Variants in PLCB1 observed in about 807,000 individuals in gnomAD.
PLCB1 encodes phospholipase C beta 1, also known as 1-phosphatidylinositol 4,5-bisphosphate phosphodiesterase beta-1.
PLCB1 carries 46 observed loss-of-function variants against 161.8 expected under a neutral mutation model. That is an observed-to-expected ratio of 0.28 (90% CI 0.22 to 0.36). The LOEUF (loss-of-function observed/expected upper bound fraction) is 0.36. Ranked by LOEUF, PLCB1 falls within the 10% of genes least tolerant of loss-of-function variation. The probability of loss-of-function intolerance (pLI) is 1.00; values close to 1 mark genes in which losing one functional copy is unlikely to be tolerated. For synonymous variants in PLCB1, 517 were observed against 503.7 expected (o/e 1.03, Z -0.35); for missense variants, 1,016 against 1,472.5 (o/e 0.69, Z 5.07).
intron 3 of PLCB1, among the ~76,000 whole-genome samples, chr20:8,524,624 C>T (rs971378838): frequency 4.6e-5 from 7 of 152,226 alleles, no homozygotes; most frequent in East Asian, 1.9e-4. Flanking sequence ...TAAAGTTAAA[C>T]GGAGCAGATG....
Position 8,760,451 on chromosome 20 carries a change from G to C in PLCB1, c.2701G>C (p.Val901Leu). 6.2e-7 allele frequency: 1 copy of C among 1,609,714 alleles called. No homozygotes were observed. The highest frequency in any genetic ancestry group is 8.5e-7 in the Non-Finnish European group (1 of 1,176,208). The change falls in exon 25 of 32, where the codon GTC (valine) becomes CTC (leucine). Residue 901 changes from valine (V) to leucine (L), a missense_variant. This residue lies in a region of PLCB1 where 398 missense variants were observed against 445.4 expected (regional missense o/e 0.89). Coordinates refer to ENST00000338037, the MANE Select transcript of PLCB1 (RefSeq NM_015192.4). ...CAAAACAGAAGATCTTATTCAGAGTGTCTTAACAGGTAAATGCCACCCTTT... is the reference window on the plus strand; with the variant it reads ...CAAAACAGAAGATCTTATTCAGAGTCTCTTAACAGGTAAATGCCACCCTTT... ...PAKTEDLIQS[V>L]LTEVEAQTIE...
At chr20:8,192,351 C>G (rs1292028779) in intron 2 of PLCB1, among the ~76,000 whole-genome samples, 3 of 151,876 alleles carry the variant, frequency 2.0e-5, no homozygotes, top group Non-Finnish European at 4.4e-5. Context: ...ATCGTATTCA[C>G]TAGGTGAACT....
At chr20:8,725,047 T>C (rs1232482887) in intron 16 of PLCB1, among the ~76,000 whole-genome samples, 1 of 152,110 alleles carries the variant, frequency 6.6e-6, no homozygotes, top group East Asian at 1.9e-4. Context: ...GTACAACTAA[T>C]TGGGAATTGT....
At chr20:8,872,601 T>C (rs1422843920) in intron 31 of PLCB1, among the ~76,000 whole-genome samples, 2 of 152,196 alleles carry the variant, frequency 1.3e-5, no homozygotes, top group East Asian at 3.8e-4. Flanking sequence ...GTGGGCTTTA[T>C]CAGTTTCTGA....
chr20:8,787,490 G>A (rs189321810), intron 27 of PLCB1, among the ~76,000 whole-genome samples: 1 of 152,360 alleles, frequency 6.6e-6, no homozygotes, highest in East Asian at 1.9e-4. Flanking sequence ...TTTTGGGAAA[G>A]AGAATCTCCA....
chr20:8,778,840 A>G (rs1435176098), intron 27 of PLCB1, among the ~76,000 whole-genome samples: 1 of 152,192 alleles, frequency 6.6e-6, no homozygotes, highest in East Asian at 1.9e-4. Flanking sequence ...GAGCATTTAC[A>G]ATTTTTACTA....
intron 2 of PLCB1, among the ~76,000 whole-genome samples, chr20:8,324,199 GGTGTGTGTGTGTGTGTGTGTGT>G (rs60079589): frequency 2.0e-5 from 3 of 147,112 alleles, no homozygotes; most frequent in East Asian, 4.0e-4. Context: ...AACTGGTAGG[GGTGTGTGTGTGTGTGTGTGTGT>G]GTGTGTGTGT....
intron 31 of PLCB1, among the ~76,000 whole-genome samples, chr20:8,874,758 T>C (rs1987720206): frequency 6.6e-6 from 1 of 152,070 alleles, no homozygotes; most frequent in Non-Finnish European, 1.5e-5. Flanking sequence ...TTGCTTTGCC[T>C]GTACAAACAA....
chr20:8,365,482 G>C (rs1043574111), intron 2 of PLCB1, among the ~76,000 whole-genome samples: 1 of 152,174 alleles, frequency 6.6e-6, no homozygotes, highest in African/African-American at 2.4e-5. Context: ...CAAAGGAAAA[G>C]AGAGACCAGG....
At chr20:8,773,620 A>G (rs769058306) in intron 26 of PLCB1, among the ~76,000 whole-genome samples, 1 of 152,200 alleles carries the variant, frequency 6.6e-6, no homozygotes, top group Non-Finnish European at 1.5e-5. Flanking sequence ...TAAAGATATC[A>G]GTGAAGTTGG....
chr20:8,476,292 C>T (rs907139291), intron 3 of PLCB1, among the ~76,000 whole-genome samples: 3 of 152,186 alleles, frequency 2.0e-5, no homozygotes, highest in Non-Finnish European at 2.9e-5. Context: ...TCACTTCCTT[C>T]TTGTTCAAGT....
intron 9 of PLCB1, among the ~76,000 whole-genome samples, chr20:8,673,430 C>A (rs1040529404): frequency 1.3e-5 from 2 of 152,186 alleles, no homozygotes; most frequent in Non-Finnish European, 2.9e-5. Context: ...GTCTGGTTAG[C>A]ACTTCTTCTA....
chr20:8,392,374 T>C (rs1011969437), intron 3 of PLCB1, among the ~76,000 whole-genome samples: 1 of 152,080 alleles, frequency 6.6e-6, no homozygotes, highest in Admixed American at 6.6e-5. Flanking sequence ...GGAAAATAAA[T>C]TTCTGTAAAT....
At chr20:8,607,124 A>G (rs1297107722) in intron 3 of PLCB1, among the ~76,000 whole-genome samples, 1 of 152,092 alleles carries the variant, frequency 6.6e-6, no homozygotes, top group African/African-American at 2.4e-5. Context: ...AGCACCATTT[A>G]CCACAGTCCC....
At chr20:8,674,156 G>A (rs139769050) in intron 9 of PLCB1, among the ~76,000 whole-genome samples, 1 of 152,338 alleles carries the variant, frequency 6.6e-6, no homozygotes, top group Non-Finnish European at 1.5e-5. Flanking sequence ...ATCCCTGGAT[G>A]AAGAGACCAA....
chr20:8,385,949 T>C (rs977454733), intron 3 of PLCB1, among the ~76,000 whole-genome samples: 3 of 152,250 alleles, frequency 2.0e-5, no homozygotes, highest in Non-Finnish European at 4.4e-5. Flanking sequence ...CTGCTCCTAG[T>C]TGGCCATCTT....
intron 2 of PLCB1, among the ~76,000 whole-genome samples, chr20:8,222,462 C>G (rs1979463301): frequency 6.6e-6 from 1 of 152,056 alleles, no homozygotes; most frequent in Non-Finnish European, 1.5e-5. Flanking sequence ...TAGTTCATGT[C>G]TAAGTAATAT....
chr20:8,801,955 C>T lies in PLCB1; in HGVS notation c.3423+11694C>T, dbSNP rs1032518024. The T allele has an allele frequency of 5.2e-6, 4 of 766,608 alleles. No individual in the cohort carries two copies. The Admixed American group carries it at 5.8e-5, about 11-fold the overall frequency. 47.5% of individuals were successfully genotyped at this position (766,608 alleles called of 1,614,324 possible). A position where few individuals can be genotyped will look rare whatever the true frequency, so the allele number is the denominator to read the frequency against. On this transcript the variant is annotated intron_variant, in intron 31 of 31. Transcript: ENST00000338037. ...GGAGTTAAAACTGTACTCTAGAAGG[C>T]ACTCCAAGAGACGTCCCAGACAAAT...
intron 24 of PLCB1, among the ~76,000 whole-genome samples, chr20:8,759,602 G>A (rs758777856): frequency 1.3e-5 from 2 of 152,136 alleles, no homozygotes; most frequent in Non-Finnish European, 2.9e-5. Context: ...CTGGGTTCAA[G>A]CGATTCTCCT....
Sources: gnomAD v4.1 joint callset for allele counts (sites outside exome capture counted in the v4.1 genomes callset) on GRCh38, gnomAD v4.1.1 for gene constraint, gnomAD v4.1.1 regional missense constraint, MANE v1.5 for transcripts, NCBI Gene and HGNC (gene_info 2026-07-23, HGNC 2026-07-21) for gene names.